The following FHOD3 variants were observed in gnomAD, a reference collection of about 807,000 sequenced individuals.
FHOD3 encodes FH1/FH2 domain-containing protein 3.
FHOD3 carries 90 observed loss-of-function variants against 173.0 expected under a neutral mutation model. The observed-to-expected ratio is 0.52, with a 90% CI of 0.44 to 0.62. The LOEUF (loss-of-function observed/expected upper bound fraction) is 0.62, where lower values mean the gene tolerates loss of function less well. FHOD3 is among the 20% of genes least tolerant of loss of function. The pLI is 0.00. For missense variants in FHOD3, 1,945 were observed against 2,034.7 expected (o/e 0.96, Z 0.85); for synonymous variants, 828 against 823.0 (o/e 1.01, Z -0.10).
At chr18:36,400,785 C>G (rs1248458030) in intron 3 of FHOD3, among the ~76,000 whole-genome samples, 2 of 152,172 alleles carry the variant, frequency 1.3e-5, no homozygotes, top group Non-Finnish European at 2.9e-5. Flanking sequence ...ACAGCCATCT[C>G]CTTTGGGATG....
intron 10 of FHOD3, among the ~76,000 whole-genome samples, chr18:36,642,281 CTAAAA>C (rs1291890267): frequency 6.6e-6 from 1 of 152,050 alleles, no homozygotes; most frequent in Non-Finnish European, 1.5e-5. Context: ...GTCCCTGAAC[CTAAAA>C]TAAAAGTTTA....
intron 5 of FHOD3, among the ~76,000 whole-genome samples, chr18:36,549,432 C>A (rs1329548581): frequency 6.6e-6 from 1 of 150,758 alleles, no homozygotes; most frequent in Non-Finnish European, 1.5e-5. Flanking sequence ...GGGTTTCATT[C>A]TCTTAGTTTC....
At chr18:36,444,162 C>T (rs2051324542) in intron 3 of FHOD3, among the ~76,000 whole-genome samples, 1 of 123,884 alleles carries the variant, frequency 8.1e-6, no homozygotes, top group African/African-American at 3.2e-5. Flanking sequence ...CCCTGCCCTC[C>T]AGCATGGGCG....
At chr18:36,621,073 C>T (rs971887430) in intron 9 of FHOD3, among the ~76,000 whole-genome samples, 1 of 152,114 alleles carries the variant, frequency 6.6e-6, no homozygotes, top group Non-Finnish European at 1.5e-5. Context: ...GTGATTTGAT[C>T]CATGTTTAAT....
intron 3 of FHOD3, among the ~76,000 whole-genome samples, chr18:36,466,405 CCT>C (rs1349198224): frequency 2.6e-5 from 4 of 152,150 alleles, no homozygotes; most frequent in African/African-American, 7.2e-5. Flanking sequence ...CAAATGCTGA[CCT>C]CCTCCATGGC....
chr18:36,683,546 A>G lies in FHOD3; in HGVS notation c.1970+1976A>G, dbSNP rs551128960. On this transcript the variant is annotated intron_variant, in intron 15 of 28. Coordinates refer to ENST00000590592, the MANE Select transcript of FHOD3 (RefSeq NM_001281740.3). ...TTTACAAAACCAGTGAGAGTTTACC[A>G]TTTTTTACCTTCACTATTACTTGGC... Among the ~76,000 whole-genome samples the G allele has an allele frequency of 2.0e-5, 3 of 152,278 alleles. No individual in the cohort carries two copies. In the South Asian group the frequency reaches 6.2e-4, roughly 32 times the overall value.
chr18:36,334,466 C>T (rs996733858), intron 1 of FHOD3, among the ~76,000 whole-genome samples: 2 of 152,212 alleles, frequency 1.3e-5, no homozygotes, highest in African/African-American at 4.8e-5. Flanking sequence ...AACACCATGT[C>T]TTACACAGAA....
chr18:36,482,300 A>G (rs2053942936), intron 3 of FHOD3, among the ~76,000 whole-genome samples: 1 of 152,200 alleles, frequency 6.6e-6, no homozygotes, highest in Non-Finnish European at 1.5e-5. Context: ...GATAAGTGCT[A>G]TGAGAGAAAA....
intron 17 of FHOD3, among the ~76,000 whole-genome samples, chr18:36,706,969 G>T (rs538113505): frequency 6.6e-6 from 1 of 152,260 alleles, no homozygotes; most frequent in Non-Finnish European, 1.5e-5. Context: ...ATGGGGTTTT[G>T]TATCTCTCCT....
intron 11 of FHOD3, among the ~76,000 whole-genome samples, chr18:36,651,115 T>G (rs1222083964): frequency 6.6e-6 from 1 of 152,178 alleles, no homozygotes; most frequent in African/African-American, 2.4e-5. Context: ...CTGCCCTGCT[T>G]CCTGCTGACT....
At chr18:36,692,947 C>A in intron 16 of FHOD3, 1 of 525,980 alleles carries the variant, frequency 1.9e-6, no homozygotes, top group East Asian at 3.3e-5. Flanking sequence ...AGATAGGATT[C>A]TGCAGCAGTG....
At chr18:36,444,482 C>T (rs770167547) in intron 3 of FHOD3, among the ~76,000 whole-genome samples, 10 of 152,070 alleles carry the variant, frequency 6.6e-5, no homozygotes, top group Non-Finnish European at 1.2e-4. Flanking sequence ...AGAGGCAGAC[C>T]AGAGAAGTGT....
intron 3 of FHOD3, among the ~76,000 whole-genome samples, chr18:36,481,020 G>GTTTTTTTTT (rs35793521): frequency 2.9e-5 from 3 of 104,440 alleles, no homozygotes; most frequent in African/African-American, 1.2e-4. Context: ...TTGGGAGGTG[G>GTTTTTTTTT]TTTTTTTTTT....
intron 14 of FHOD3, among the ~76,000 whole-genome samples, chr18:36,667,594 C>T (rs772176760): frequency 4.6e-5 from 7 of 151,884 alleles, no homozygotes; most frequent in Non-Finnish European, 1.0e-4. Flanking sequence ...GAAGTATTTC[C>T]GTATCTAAAC....
intron 16 of FHOD3, among the ~76,000 whole-genome samples, chr18:36,690,808 TC>T (rs2038918625): frequency 6.6e-6 from 1 of 152,196 alleles, no homozygotes; most frequent in South Asian, 2.1e-4. Flanking sequence ...AATGTGTATT[TC>T]AGTAGCATTA....
At position 36,473,184 on chromosome 18, in the gene FHOD3, G is replaced by T. The variant is rs760154318; in HGVS notation, c.338-28748G>T. Among the ~76,000 whole-genome samples the T allele has an allele frequency of 3.3e-5, 5 of 152,206 alleles. No homozygotes were observed. The South Asian group carries it at 1.0e-3, about 32-fold the overall frequency. On this transcript the variant is annotated intron_variant, in intron 3 of 28. Transcript: ENST00000590592. ...AATCCCAGCACTTTGGGAGGCCGAGGCTGGCAGTCACCTGAGGTCAGGAGT... is the reference window on the plus strand; with the variant it reads ...AATCCCAGCACTTTGGGAGGCCGAGTCTGGCAGTCACCTGAGGTCAGGAGT...
chr18:36,486,677 C>A (rs1345068713), intron 3 of FHOD3, among the ~76,000 whole-genome samples: 4 of 152,202 alleles, frequency 2.6e-5, no homozygotes. Flanking sequence ...TTTTCTTTAT[C>A]AACCTTATTG....
At chr18:36,705,149 C>G (rs2039803005) in intron 17 of FHOD3, among the ~76,000 whole-genome samples, 1 of 152,170 alleles carries the variant, frequency 6.6e-6, no homozygotes, top group Non-Finnish European at 1.5e-5. Context: ...AAATGAAACA[C>G]AGAGCAGACA....
chr18:36,752,978 G>A (rs927502165), intron 24 of FHOD3, among the ~76,000 whole-genome samples: 6 of 151,958 alleles, frequency 3.9e-5, no homozygotes, highest in African/African-American at 1.5e-4. Flanking sequence ...AATGTCAAGT[G>A]GTAATAACAG....
Sources: gnomAD v4.1 joint callset for allele counts (sites outside exome capture counted in the v4.1 genomes callset) on GRCh38, gnomAD v4.1.1 for gene constraint, MANE v1.5 for transcripts, NCBI Gene and HGNC (gene_info 2026-07-23, HGNC 2026-07-21) for gene names.